GABRG3: variants seen among roughly 807,000 people sequenced by gnomAD.
GABRG3 encodes the protein gamma-aminobutyric acid type A receptor subunit gamma3.
GABRG3 carries 25 observed loss-of-function variants against 48.8 expected under a neutral mutation model. The ratio of observed to expected loss-of-function variants is 0.51; its 90% CI spans 0.37 to 0.72. The LOEUF (loss-of-function observed/expected upper bound fraction) is 0.72. Among genes scored for constraint, GABRG3 ranks in the 30% least tolerant of loss-of-function variants. The probability of loss-of-function intolerance (pLI) is 0.00; values close to 1 mark genes in which losing one functional copy is unlikely to be tolerated. For synonymous variants in GABRG3, 227 were observed against 217.6 expected, an observed-to-expected ratio of 1.04 and a Z score of -0.38; for missense variants, 394 against 577.9, an observed-to-expected ratio of 0.68 and a Z score of 3.26.
chr15:27,509,010 T>C (rs1005238615), intron 6 of GABRG3, among the ~76,000 whole-genome samples: 20 of 152,264 alleles, frequency 1.3e-4, no homozygotes, highest in South Asian at 2.1e-4. Flanking sequence ...TGAGCCACCG[T>C]GCCCGGCTGA....
At chr15:27,112,548 C>T (rs112580922) in intron 3 of GABRG3, among the ~76,000 whole-genome samples, 6,009 of 150,262 alleles carry the variant, frequency 0.04, 188 homozygotes, top group South Asian at 0.11. Flanking sequence ...TCAAGCGATT[C>T]TCCTGCCTCA....
chr15:27,495,212 A>G (rs1890454340), intron 6 of GABRG3, among the ~76,000 whole-genome samples: 1 of 152,178 alleles, frequency 6.6e-6, no homozygotes, highest in Non-Finnish European at 1.5e-5. Context: ...AAGTGGCATC[A>G]TACAGTATTT....
intron 5 of GABRG3, among the ~76,000 whole-genome samples, chr15:27,354,960 A>G (rs951296124): frequency 3.9e-5 from 6 of 152,174 alleles, no homozygotes; most frequent in Non-Finnish European, 7.3e-5. Flanking sequence ...CCTGTGTGAT[A>G]TGTGCTTTCT....
At chr15:27,096,239 G>C (rs899212182) in intron 3 of GABRG3, among the ~76,000 whole-genome samples, 1 of 152,172 alleles carries the variant, frequency 6.6e-6, no homozygotes, top group East Asian at 1.9e-4. Context: ...CTGTGTAGGG[G>C]CTCCAGGCTC....
intron 3 of GABRG3, among the ~76,000 whole-genome samples, chr15:27,136,231 T>C (rs1376634328): frequency 1.3e-5 from 2 of 152,202 alleles, no homozygotes; most frequent in Non-Finnish European, 1.5e-5. Context: ...GCTATACTTG[T>C]CAGAATGATT....
At chr15:27,006,783 C>G (rs1895593072) in intron 2 of GABRG3, among the ~76,000 whole-genome samples, 1 of 151,940 alleles carries the variant, frequency 6.6e-6, no homozygotes, top group Non-Finnish European at 1.5e-5. Flanking sequence ...TGCATTAGTT[C>G]ACTTAGGATA....
intron 3 of GABRG3, among the ~76,000 whole-genome samples, chr15:27,269,541 G>A (rs1891018166): frequency 6.6e-6 from 1 of 152,130 alleles, no homozygotes; most frequent in South Asian, 2.1e-4. Flanking sequence ...TGTTTGCACT[G>A]CATTTTCTAC....
At chr15:27,287,513 C>A (rs1356278814) in intron 3 of GABRG3, among the ~76,000 whole-genome samples, 1 of 152,032 alleles carries the variant, frequency 6.6e-6, no homozygotes, top group African/African-American at 2.4e-5. Context: ...TGAAAATTGG[C>A]AAATTACTTT....
chr15:27,055,254 T>A (rs1896525846), intron 3 of GABRG3, among the ~76,000 whole-genome samples: 2 of 152,096 alleles, frequency 1.3e-5, no homozygotes, highest in Non-Finnish European at 1.5e-5. Flanking sequence ...CGTCCCGGGC[T>A]TTCACCCCGT....
intron 3 of GABRG3, among the ~76,000 whole-genome samples, chr15:27,298,241 T>G (rs1019610250): frequency 6.6e-6 from 1 of 152,176 alleles, no homozygotes; most frequent in African/African-American, 2.4e-5. Context: ...TTCAGGAATC[T>G]AGGCTGAAAG....
At chr15:27,284,851 C>T (rs753403307) in intron 3 of GABRG3, among the ~76,000 whole-genome samples, 1 of 152,164 alleles carries the variant, frequency 6.6e-6, no homozygotes, top group Non-Finnish European at 1.5e-5. Flanking sequence ...AGAGGCTGCT[C>T]AAGAGAGAAA....
rs551637134 is a variant in GABRG3 at position 27,192,060 on chromosome 15, C to G, written c.271-134749C>G. ...AGAATGTTGAATATTGGCCCCCACT[C>G]TCTTCTGGCTTGTAGAGTTTCTGCC... On this transcript the variant is annotated intron_variant, in intron 3 of 9. Coordinates refer to ENST00000615808, the MANE Select transcript of GABRG3 (RefSeq NM_033223.5). Among the ~76,000 whole-genome samples the G allele has an allele frequency of 4.4e-3, 671 of 152,284 alleles. 8 individuals are homozygous for G. The highest frequency in any genetic ancestry group is 0.015 in the African/African-American group (634 of 41,568).
chr15:27,065,150 G>A (rs2140727588), intron 3 of GABRG3, among the ~76,000 whole-genome samples: 1 of 152,282 alleles, frequency 6.6e-6, no homozygotes, highest in South Asian at 2.1e-4. Flanking sequence ...ACACTCAGGA[G>A]GAAAGGCTGT....
intron 2 of GABRG3, among the ~76,000 whole-genome samples, chr15:27,004,348 TG>T (rs1307825264): frequency 7.3e-6 from 1 of 137,840 alleles, no homozygotes; most frequent in Non-Finnish European, 1.6e-5. Flanking sequence ...TCTCAGACAA[TG>T]GGCGGCCGGG....
chr15:27,422,499 C>T (rs1052819104), intron 5 of GABRG3: 3 of 152,132 alleles, frequency 2.0e-5, no homozygotes, highest in Non-Finnish European at 2.9e-5. Context: ...TGAGAGTGGG[C>T]TATAAATCCA....
At chr15:27,274,709 A>G (rs1891198193) in intron 3 of GABRG3, among the ~76,000 whole-genome samples, 1 of 152,022 alleles carries the variant, frequency 6.6e-6, no homozygotes, top group South Asian at 2.1e-4. Context: ...GAGCACTTCT[A>G]CCCTCATCTG....
In GABRG3 at chr15:27,528,061, T is replaced by TA. The variant is rs1430441399; in HGVS notation, c.1122+70dup. The TA allele has an allele frequency of 2.6e-6, 3 of 1,164,066 alleles. No individual in the cohort carries two copies. The African/African-American group carries it at 4.6e-5, about 18-fold the overall frequency. 72.1% of individuals were successfully genotyped at this position (1,164,066 alleles called of 1,614,324 possible). On this transcript the variant is annotated intron_variant, in intron 9 of 9. Coordinates refer to ENST00000615808, the MANE Select transcript of GABRG3 (RefSeq NM_033223.5). ...CTAAACTAAGATTGCATTTGAAAGA[T>TA]AGATTGCTGTTGATGCATGCATGTA... is the stretch of plus-strand genomic sequence containing the variant.
chr15:27,026,931 G>A, intron 3 of GABRG3, 110 bp downstream of exon 3: 1 of 667,238 alleles, frequency 1.5e-6, no homozygotes, highest in Non-Finnish European at 2.4e-6. Flanking sequence ...AACTCACACT[G>A]ACTTCTTAAA....
intron 5 of GABRG3, among the ~76,000 whole-genome samples, chr15:27,396,054 G>A (rs1175656772): frequency 6.6e-6 from 1 of 152,082 alleles, no homozygotes; most frequent in Non-Finnish European, 1.5e-5. Flanking sequence ...TGTAGAGACA[G>A]GGTGTTGACA....
Sources: gnomAD v4.1 joint callset for allele counts (sites outside exome capture counted in the v4.1 genomes callset) on GRCh38, gnomAD v4.1.1 for gene constraint, MANE v1.5 for transcripts, NCBI Gene and HGNC (gene_info 2026-07-23, HGNC 2026-07-21) for gene names.